Variants in PKNOX1 observed in about 807,000 individuals in gnomAD.
The protein encoded by PKNOX1 is PBX/knotted 1 homeobox 1.
PKNOX1 carries 15 observed loss-of-function variants against 51.9 expected under a neutral mutation model. The ratio of observed to expected loss-of-function variants is 0.29; its 90% CI spans 0.19 to 0.45. The LOEUF is 0.45. Among genes scored for constraint, PKNOX1 ranks in the 20% least tolerant of loss-of-function variants. The pLI is 1.00. For synonymous variants in PKNOX1, 219 were observed against 211.1 expected (o/e 1.04, Z -0.32); for missense variants, 462 against 547.5 (o/e 0.84, Z 1.56).
intron 2 of PKNOX1, among the ~76,000 whole-genome samples, chr21:43,006,491 A>C (rs1394160159): frequency 6.6e-6 from 1 of 151,518 alleles, no homozygotes; most frequent in Admixed American, 6.6e-5. Context: ...CTTAGGCTTT[A>C]TTGCTTTTAT....
intron 1 of PKNOX1, among the ~76,000 whole-genome samples, chr21:42,989,576 G>A (rs1244500993): frequency 2.6e-5 from 4 of 151,818 alleles, no homozygotes; most frequent in African/African-American, 7.3e-5. Flanking sequence ...CTGCTACCAC[G>A]CCTGGCTAAT....
chr21:43,016,116 C>T (rs1402899567), intron 5 of PKNOX1, among the ~76,000 whole-genome samples: 1 of 152,176 alleles, frequency 6.6e-6, no homozygotes, highest in Admixed American at 6.5e-5. Context: ...ACAGAATCAC[C>T]GCCTTGGGGT....
chr21:43,023,935 A>G (rs1041926773), intron 8 of PKNOX1, among the ~76,000 whole-genome samples: 18 of 141,928 alleles, frequency 1.3e-4, no homozygotes, highest in Non-Finnish European at 6.1e-5. Context: ...TTTTTTTCCC[A>G]GATGGCCAGG....
Position 43,028,796 on chromosome 21 carries a change from C to A in PKNOX1, c.1021C>A (p.Pro341Thr). The A allele has an allele frequency of 1.2e-6, 2 of 1,614,108 alleles. No individual in the cohort carries two copies. The highest frequency in any genetic ancestry group is 1.6e-4 in the Middle Eastern group (1 of 6,062). ...AAAGAAAAAAACTGCTCAGAACCGG[C>A]CAGTTCAGAGGTTTTGGCCTGATTC... is the stretch of plus-strand genomic sequence containing the variant. ...KTKKKTAQNRPVQRFWPDSIA... is the reference protein window; with the variant it reads ...KTKKKTAQNRTVQRFWPDSIA... The change falls in exon 10 of 11, where the codon CCA (proline) becomes ACA (threonine). Residue 341 changes from proline (P) to threonine (T), a missense_variant. Pro to Thr is a conservative substitution (Grantham distance 38). Coordinates refer to ENST00000291547, the MANE Select transcript of PKNOX1 (RefSeq NM_004571.5).
Position 43,007,384 on chromosome 21 carries a change from A to G in PKNOX1, c.52-107A>G, listed in dbSNP as rs1979034100. ...GCATTCTTTACATATGATTGCAGTCATACTGCTGTCTGGCAATTCCCCACT... is the reference window on the plus strand; with the variant it reads ...GCATTCTTTACATATGATTGCAGTCGTACTGCTGTCTGGCAATTCCCCACT... On this transcript the variant is annotated intron_variant, in intron 2 of 10. Coordinates refer to ENST00000291547, the MANE Select transcript of PKNOX1 (RefSeq NM_004571.5). 3 of 969,544 alleles carry G rather than the reference A, an allele frequency of 3.1e-6. No individual in the cohort carries two copies. In the African/African-American group the frequency reaches 4.8e-5, roughly 15 times the overall value. The allele number at this position is 969,544 out of a possible 1,614,324, so 60.1% of individuals were successfully genotyped here. A position where few individuals can be genotyped will look rare whatever the true frequency, so the allele number is the denominator to read the frequency against.
intron 5 of PKNOX1, among the ~76,000 whole-genome samples, chr21:43,015,027 C>T (rs1568900393): frequency 6.6e-6 from 1 of 152,252 alleles, no homozygotes; most frequent in Non-Finnish European, 1.5e-5. Context: ...TGATTGACAA[C>T]TCTGATTTCA....
Position 42,986,017 on chromosome 21 carries a change from A to AAAAT in PKNOX1, c.-57+11353_-57+11354insAAAT, listed in dbSNP as rs34594458. Among the ~76,000 whole-genome samples the AAAAT allele has an allele frequency of 4.1e-5, 6 of 147,506 alleles. No individual in the cohort carries two copies. The South Asian group carries it at 6.4e-4, about 16-fold the overall frequency. On this transcript the variant is annotated intron_variant, in intron 1 of 10. Transcript: ENST00000291547. ...CTCTGTCTCAGAAAAAAAAAAAAAAATTAAAAAAAAAATTGCAAAACCATT... is the reference window on the plus strand; with the variant it reads ...CTCTGTCTCAGAAAAAAAAAAAAAAAAAATTTAAAAAAAAAATTGCAAAACCATT...
chr21:43,018,306 C>A, intron 7 of PKNOX1, 76 bp downstream of exon 7: 1 of 871,950 alleles, frequency 1.1e-6, no homozygotes, highest in Non-Finnish European at 1.9e-6. Flanking sequence ...CAAGCATGAG[C>A]CCTTCCCTCT....
Position 43,032,190 on chromosome 21 carries a change from T to C in PKNOX1, c.*2089T>C. On this transcript the variant is annotated 3_prime_UTR_variant, in exon 11 of 11. Coordinates refer to ENST00000291547, the MANE Select transcript of PKNOX1 (RefSeq NM_004571.5). The stretch of plus-strand genomic sequence containing the variant: ...TGACATCTTAAAGCCACCATTGCGT[T>C]CCTCATTTGTGAACTGTCTTCTCAT... 2.2e-6 allele frequency: 1 copy of C among 456,190 alleles called. No homozygotes were observed. Among genetic ancestry groups the C allele is most frequent in the Non-Finnish European group, 4.4e-6 (1 of 226,928 alleles). 28.3% of individuals were successfully genotyped at this position (456,190 alleles called of 1,614,324 possible).
rs747679119 is a variant in PKNOX1 at position 43,013,169 on chromosome 21, A to G, written c.453A>G (p.Lys151=). ...GCAGTCGATACATTGCTTGTCTGAA[A>G]ACAAAAATGAACAGTGAAACTCTGT... ...DFCSRYIACL[K]TKMNSETLLS... Residue 151 remains lysine (K), a synonymous_variant, in exon 5 of 11, where the codon AAA becomes AAG. Transcript: ENST00000291547. 1 of 1,614,060 alleles carries G rather than the reference A, an allele frequency of 6.2e-7. No homozygotes were observed. Among genetic ancestry groups the G allele is most frequent in the South Asian group, 1.1e-5 (1 of 91,078 alleles).
At chr21:42,998,097 GAA>G in intron 1 of PKNOX1, among the ~76,000 whole-genome samples, 1 of 152,274 alleles carries the variant, frequency 6.6e-6, no homozygotes, top group South Asian at 2.1e-4. Flanking sequence ...ATTTACAAAA[GAA>G]AGAGGTTTAA....
intron 8 of PKNOX1, among the ~76,000 whole-genome samples, chr21:43,022,505 T>G (rs1197499322): frequency 2.0e-5 from 3 of 152,094 alleles, no homozygotes; most frequent in African/African-American, 7.2e-5. Flanking sequence ...GGCCCTCTCC[T>G]GGGCAGAAGG....
rs918662375 is a variant in PKNOX1 at position 43,031,665 on chromosome 21, C to G, written c.*1564C>G. On this transcript the variant is annotated 3_prime_UTR_variant, in exon 11 of 11. Transcript: ENST00000291547. ...TACAGGGTCGGGAATGTCTTCAGTT[C>G]TTGAGAGTCAACAGTAATGATTGGT... 1 of 153,502 alleles carries G rather than the reference C, an allele frequency of 6.5e-6. No homozygotes were observed. The highest frequency in any genetic ancestry group is 2.4e-5 in the African/African-American group (1 of 41,446). The allele number at this position is 153,502 out of a possible 1,614,324, so 9.5% of individuals were successfully genotyped here.
chr21:42,978,545 G>A (rs1379459964), intron 1 of PKNOX1, among the ~76,000 whole-genome samples: 1 of 143,990 alleles, frequency 6.9e-6, no homozygotes, highest in South Asian at 2.2e-4. Context: ...GTGCAGTGGC[G>A]CGATCTTGGC....
At chr21:43,004,486 C>A in intron 2 of PKNOX1, 54 bp downstream of exon 2, 1 of 1,174,202 alleles carries the variant, frequency 8.5e-7, no homozygotes, top group Non-Finnish European at 1.3e-6. Flanking sequence ...GGCACTCAAG[C>A]ATGAACATTG....
At chr21:43,002,207 C>T (rs916712469) in intron 1 of PKNOX1, among the ~76,000 whole-genome samples, 1 of 152,114 alleles carries the variant, frequency 6.6e-6, no homozygotes, top group Non-Finnish European at 1.5e-5. Flanking sequence ...ACTAACTATA[C>T]TTTGATGGTG....
intron 9 of PKNOX1, 37 bp from the exon 10 acceptor site, chr21:43,028,665 G>A (rs234728): frequency 0.39 from 623,075 of 1,597,902 alleles, 127,091 homozygotes; most frequent in Non-Finnish European, 0.42. Flanking sequence ...TCTTTACGAA[G>A]GCTGTTTTCA....
At chr21:42,981,381 C>T (rs898531054) in intron 1 of PKNOX1, among the ~76,000 whole-genome samples, 1 of 152,098 alleles carries the variant, frequency 6.6e-6, no homozygotes, top group Non-Finnish European at 1.5e-5. Flanking sequence ...TAGCCCCTGC[C>T]GGTTTAGTTA....
chr21:43,001,513 A>G (rs1405790779), intron 1 of PKNOX1, among the ~76,000 whole-genome samples: 1 of 152,098 alleles, frequency 6.6e-6, no homozygotes, highest in Non-Finnish European at 1.5e-5. Flanking sequence ...CTTTGGGGGC[A>G]CCACCTGGTT....
Sources: allele counts gnomAD v4.1 joint callset (sites outside exome capture counted in the v4.1 genomes callset), GRCh38; gene constraint gnomAD v4.1.1; transcripts MANE v1.5; gene names NCBI Gene and HGNC (gene_info 2026-07-23, HGNC 2026-07-21).